Variants in PEX14 observed in about 807,000 individuals in gnomAD.
The protein encoded by PEX14 is peroxisomal membrane protein PEX14.
In PEX14, 15 loss-of-function variants were observed where a neutral mutation model predicts 49.5. That is an observed-to-expected ratio of 0.30 (90% confidence interval 0.20 to 0.47). The LOEUF (loss-of-function observed/expected upper bound fraction) is 0.47, where lower values mean the gene tolerates loss of function less well. Ranked by LOEUF, PEX14 falls within the 20% of genes least tolerant of loss-of-function variation. The pLI, the probability that PEX14 is intolerant of heterozygous loss-of-function variation, is 1.00. For synonymous variants in PEX14, 210 were observed against 212.7 expected (o/e 0.99, Z 0.11); for missense variants, 398 against 494.8 (o/e 0.80, Z 1.86).
chr1:10,489,786 T>TC (rs1641439249), intron 1 of PEX14, among the ~76,000 whole-genome samples: 1 of 152,176 alleles, frequency 6.6e-6, no homozygotes, highest in African/African-American at 2.4e-5. Flanking sequence ...CTGCTGGGGA[T>TC]CCCCGTCTCT....
chr1:10,507,272 T>C (rs1304345989), intron 2 of PEX14, among the ~76,000 whole-genome samples: 1 of 152,230 alleles, frequency 6.6e-6, no homozygotes, highest in Non-Finnish European at 1.5e-5. Flanking sequence ...AGAGCAGGTA[T>C]GGGTGCGGTG....
At chr1:10,548,270 C>T (rs1639232616) in intron 3 of PEX14, among the ~76,000 whole-genome samples, 2 of 152,108 alleles carry the variant, frequency 1.3e-5, no homozygotes, top group African/African-American at 4.8e-5. Context: ...TATCTGGCCT[C>T]ACTTAGGGAT....
chr1:10,596,326 G>A (rs1321030497), intron 3 of PEX14, among the ~76,000 whole-genome samples: 1 of 152,190 alleles, frequency 6.6e-6, no homozygotes, highest in African/African-American at 2.4e-5. Context: ...AACAAGATGA[G>A]GACATTCTAC....
At chr1:10,555,677 G>A (rs1014810874) in intron 3 of PEX14, among the ~76,000 whole-genome samples, 4 of 147,068 alleles carry the variant, frequency 2.7e-5, no homozygotes, top group Middle Eastern at 3.6e-3. Flanking sequence ...GCATGCACCC[G>A]TGAGGGTGAG....
At chr1:10,544,899 C>T (rs978906334) in intron 3 of PEX14, among the ~76,000 whole-genome samples, 1 of 152,018 alleles carries the variant, frequency 6.6e-6, no homozygotes, top group African/African-American at 2.4e-5. Context: ...GGTAGCTGGG[C>T]CACAGGCACA....
chr1:10,559,086 T>G (rs920938176), intron 3 of PEX14, among the ~76,000 whole-genome samples: 3 of 152,206 alleles, frequency 2.0e-5, no homozygotes, highest in Admixed American at 2.0e-4. Flanking sequence ...GTTTTCTCAG[T>G]AGCATATCAC....
At chr1:10,581,705 T>G (rs999290341) in intron 3 of PEX14, among the ~76,000 whole-genome samples, 7 of 150,612 alleles carry the variant, frequency 4.6e-5, no homozygotes, top group Non-Finnish European at 8.9e-5. Flanking sequence ...TGTGTTAAAC[T>G]TATAAAATAA....
chr1:10,616,650 C>T (rs1641428586), intron 4 of PEX14, among the ~76,000 whole-genome samples: 1 of 152,172 alleles, frequency 6.6e-6, no homozygotes, highest in Non-Finnish European at 1.5e-5. Context: ...GAGATGGCCG[C>T]TCCAGAAAGG....
rs190766150 is a variant in PEX14, at chr1:10,482,477, C to T, written c.36+7475C>T. On this transcript the variant is annotated intron_variant, in intron 1 of 8. Transcript: ENST00000356607. ...TTGAAATGGAGTCTCGCTCTGTCAC[C>T]GGCTGGAGTGCAGTGGCGCAATCTC... Among the ~76,000 whole-genome samples, 323 of 145,946 alleles carry T rather than the reference C, an allele frequency of 2.2e-3. 1 individual carries two copies. Among genetic ancestry groups the T allele is most frequent in the East Asian group, 0.016 (81 of 4,916 alleles).
chr1:10,535,795 G>A (rs548761808), intron 2 of PEX14: 2 of 337,546 alleles, frequency 5.9e-6, no homozygotes, highest in South Asian at 4.9e-5. Context: ...GTGTGTGTGC[G>A]TGTGTACGTG....
In PEX14 at chr1:10,494,566, A is replaced by G. The variant is rs1013099340; in HGVS notation, c.37-708A>G. 2.6e-5 allele frequency among the ~76,000 whole-genome samples: 4 copies of G among 152,206 alleles called. No individual in the cohort carries two copies. The highest frequency in any genetic ancestry group is 4.8e-5 in the African/African-American group (2 of 41,460). On this transcript the variant is annotated intron_variant, in intron 1 of 8. Transcript: ENST00000356607. This position sits in a 1 kb window ranked among gnomAD's most constrained non-coding sequence, Gnocchi z 4.3. ...TCGAAGGCGCCTGTGAGGGTGAGGTAGTGGCCCCAAGGAAGAGGAAACGGG... is the reference window on the plus strand; with the variant it reads ...TCGAAGGCGCCTGTGAGGGTGAGGTGGTGGCCCCAAGGAAGAGGAAACGGG...
At chr1:10,511,224 A>C (rs1641877232) in intron 2 of PEX14, among the ~76,000 whole-genome samples, 2 of 152,230 alleles carry the variant, frequency 1.3e-5, no homozygotes, top group East Asian at 3.9e-4. Flanking sequence ...TGCCAAAGTG[A>C]GGTTTTTGTC....
At chr1:10,587,494 T>C (rs970320645) in intron 3 of PEX14, among the ~76,000 whole-genome samples, 2 of 152,084 alleles carry the variant, frequency 1.3e-5, no homozygotes, top group African/African-American at 4.8e-5. Flanking sequence ...CCTTTCAGAA[T>C]GGCAAAGATA....
chr1:10,624,362 C>A lies in PEX14; in HGVS notation c.510C>A (p.Leu170=). 1 of 1,612,966 alleles carries A rather than the reference C, an allele frequency of 6.2e-7. No individual in the cohort carries two copies. The highest frequency in any genetic ancestry group is 8.5e-7 in the Non-Finnish European group (1 of 1,179,290). ...AQTVTQLQTT[L]ASVQELLIQQ... ...CAGTGACTCAGTTACAGACGACCCT[C>A]GCCTCCGTCCAGGAGCTGCTGATTC... Residue 170 remains leucine (L), a synonymous_variant, in exon 7 of 9, where the codon CTC becomes CTA. Transcript: ENST00000356607.
chr1:10,523,942 C>G (rs1301368067), intron 2 of PEX14, among the ~76,000 whole-genome samples: 1 of 151,454 alleles, frequency 6.6e-6, no homozygotes, highest in Admixed American at 6.6e-5. Context: ...AAAAAATACT[C>G]AATAAAAGCT....
rs187002879 is a variant in PEX14, at chr1:10,485,197, G to C, written c.37-10077G>C. 1.3e-4 allele frequency among the ~76,000 whole-genome samples: 19 copies of C among 151,578 alleles called. 1 individual carries two copies. The highest frequency in any genetic ancestry group is 2.6e-4 in the Admixed American group (4 of 15,222). The stretch of plus-strand genomic sequence containing the variant: ...GAAATAACCTGTAAGTGGAATGGTA[G>C]GCTTATGTAGTAAGTATGTTTAGCT... On this transcript the variant is annotated intron_variant, in intron 1 of 8. Coordinates refer to ENST00000356607, the MANE Select transcript of PEX14 (RefSeq NM_004565.3).
intron 2 of PEX14, among the ~76,000 whole-genome samples, chr1:10,504,706 ATTCCTT>A (rs546205025): frequency 8.0e-5 from 12 of 150,820 alleles, no homozygotes; most frequent in African/African-American, 1.7e-4. Context: ...AAGTTGATTG[ATTCCTT>A]TTCCTTTTCC....
chr1:10,540,336 T>C (rs1467961769), intron 3 of PEX14, among the ~76,000 whole-genome samples: 1 of 152,240 alleles, frequency 6.6e-6, no homozygotes, highest in Non-Finnish European at 1.5e-5. Flanking sequence ...TTTTTATCAT[T>C]TACGTCTATT....
intron 3 of PEX14, among the ~76,000 whole-genome samples, chr1:10,581,779 T>G (rs2124570797): frequency 6.7e-6 from 1 of 149,766 alleles, no homozygotes; most frequent in Non-Finnish European, 1.5e-5. Context: ...TAATAATTTA[T>G]AAAATAAAAA....
Sources: gnomAD v4.1 joint callset for allele counts (sites outside exome capture counted in the v4.1 genomes callset) on GRCh38, gnomAD v4.1.1 for gene constraint, Gnocchi (gnomAD v3.1) non-coding constraint, MANE v1.5 for transcripts, NCBI Gene and HGNC (gene_info 2026-07-23, HGNC 2026-07-21) for gene names.